Variants in IRAK4 observed in about 807,000 individuals in gnomAD.
The protein encoded by IRAK4 is interleukin-1 receptor-associated kinase 4.
IRAK4 carries 44 observed loss-of-function variants against 51.8 expected under a neutral mutation model. The ratio of observed to expected loss-of-function variants is 0.85; its 90% CI spans 0.67 to 1.09. The LOEUF is 1.09. Among genes scored for constraint, IRAK4 ranks in the 50% least tolerant of loss-of-function variants. The pLI, the probability that IRAK4 is intolerant of heterozygous loss-of-function variation, is 0.00. For synonymous variants in IRAK4, 149 were observed against 174.1 expected (o/e 0.86, Z 1.13); for missense variants, 487 against 538.0 (o/e 0.91, Z 0.94).
At chr12:43,781,072 T>C (rs1941738744) in intron 8 of IRAK4, among the ~76,000 whole-genome samples, 1 of 152,202 alleles carries the variant, frequency 6.6e-6, no homozygotes, top group South Asian at 2.1e-4. Flanking sequence ...CAACCTAAAG[T>C]CTTCCCACAT....
rs202134282 is a variant in IRAK4 at position 43,771,264 on chromosome 12, A to C, written c.206A>C (p.Glu69Ala). 165 of 1,613,854 alleles carry C rather than the reference A, an allele frequency of 1.0e-4. No homozygotes were observed. The highest frequency in any genetic ancestry group is 1.3e-4 in the Non-Finnish European group (157 of 1,179,898). The change falls in exon 3 of 12, where the codon GAA becomes GCA. Residue 69 changes from glutamate to alanine, a missense_variant. By Grantham distance (107) the Glu-to-Ala change is moderately radical. Transcript: ENST00000613694. ...LLQTGKSPTS[E>A]LLFDWGTTNC... Reference sequence around the variant, plus strand: ...CAAACTGGAAAAAGTCCCACTTCTGAATTACTGTTTGACTGGGGCACCACA... The same window carrying C: ...CAAACTGGAAAAAGTCCCACTTCTGCATTACTGTTTGACTGGGGCACCACA...
intron 1 of IRAK4, among the ~76,000 whole-genome samples, chr12:43,764,772 T>TTTC (rs200515347): frequency 0.019 from 2,830 of 152,330 alleles, 57 homozygotes; most frequent in South Asian, 0.071. Context: ...CTTTCCCAGG[T>TTTC]GTTTTTCTGC....
At chr12:43,778,338 T>C in intron 8 of IRAK4, 36 bp downstream of exon 8, 1 of 1,136,222 alleles carries the variant, frequency 8.8e-7, no homozygotes, top group Non-Finnish European at 1.3e-6. Flanking sequence ...TGGAAAGCTG[T>C]CTTTAAAGAA....
intron 8 of IRAK4, among the ~76,000 whole-genome samples, chr12:43,780,122 G>A (rs1474255004): frequency 6.6e-6 from 1 of 152,182 alleles, no homozygotes; most frequent in East Asian, 1.9e-4. Flanking sequence ...GTCAAAAAGA[G>A]TCAAGGGCTT....
At chr12:43,782,599 T>C (rs1941875526) in intron 9 of IRAK4, 109 bp downstream of exon 9, 1 of 952,374 alleles carries the variant, frequency 1.1e-6, no homozygotes, top group Admixed American at 2.3e-5. Flanking sequence ...TATGTAACAA[T>C]ATAAGTTTTT....
At chr12:43,772,794 C>G in intron 4 of IRAK4, 118 bp from the exon 5 acceptor site, 2 of 769,604 alleles carry the variant, frequency 2.6e-6, no homozygotes, top group Non-Finnish European at 4.1e-6. Flanking sequence ...CTTCTCTCAT[C>G]TTGTCTAATT....
rs756185480 is a variant in IRAK4, at chr12:43,772,206, C to T, written c.334C>T (p.Leu112=). 1.2e-6 allele frequency: 2 copies of T among 1,613,564 alleles called. No homozygotes were observed. The highest frequency in any genetic ancestry group is 1.7e-5 in the Admixed American group (1 of 60,028). ...PDAVPKTANT[L]PSKEAITVQQ... ...TGCTGTTCCCAAAACTGCTAATACA[C>T]TACCTTCTAAAGAAGCTATAACAGT... The change falls in exon 4 of 12, where the codon CTA becomes TTA. Residue 112 remains leucine, a synonymous_variant. Transcript: ENST00000613694.
chr12:43,759,949 T>C (rs1051048931), intron 1 of IRAK4, among the ~76,000 whole-genome samples: 1 of 151,142 alleles, frequency 6.6e-6, no homozygotes, highest in Non-Finnish European at 1.5e-5. Flanking sequence ...CAAACGGCGC[T>C]ATTAGTGCTT....
intron 8 of IRAK4, 72 bp downstream of exon 8, chr12:43,778,374 T>A (rs936743272): frequency 2.4e-6 from 2 of 842,668 alleles, no homozygotes; most frequent in Non-Finnish European, 4.1e-6. Context: ...CTATTCACGA[T>A]TCATATGCAG....
At chr12:43,769,513 G>A (rs185737816) in intron 2 of IRAK4, among the ~76,000 whole-genome samples, 96 of 152,230 alleles carry the variant, frequency 6.3e-4, no homozygotes, top group Non-Finnish European at 8.5e-4. Context: ...TTAGCTGGGT[G>A]TGGTAGTGCA....
At chr12:43,766,987 G>A (rs1325066273) in intron 1 of IRAK4, among the ~76,000 whole-genome samples, 3 of 152,172 alleles carry the variant, frequency 2.0e-5, no homozygotes, top group Non-Finnish European at 4.4e-5. Context: ...GGTCAAAGAA[G>A]TCCAAAGAGA....
rs757615268 is a variant in IRAK4, at chr12:43,771,355, T to G, written c.297T>G (p.Leu99=). The G allele has an allele frequency of 6.2e-7, 1 of 1,614,156 alleles. No individual in the cohort carries two copies. Among genetic ancestry groups the G allele is most frequent in the East Asian group, 2.2e-5 (1 of 44,876 alleles). ...IQNEFFAPAS[L]LLPDAVPKTA... is the part of the protein sequence containing the mutation. ...ATGAATTTTTTGCTCCTGCGAGTCT[T>G]TTGCTCCCAGGTAAACTGATTGTGA... Residue 99 remains leucine (L), a synonymous_variant, in exon 3 of 12, where the codon CTT becomes CTG. Transcript: ENST00000613694.
chr12:43,770,734 T>A (rs754434717), intron 2 of IRAK4, among the ~76,000 whole-genome samples: 5 of 152,158 alleles, frequency 3.3e-5, no homozygotes, highest in African/African-American at 1.2e-4. Flanking sequence ...CCTATTTTCA[T>A]ATGACCTCAG....
rs1443126481 is a variant in IRAK4, at chr12:43,768,199, G to C, written c.88G>C (p.Glu30Gln). The change falls in exon 2 of 12, where the codon GAA becomes CAA. Residue 30 changes from glutamate to glutamine, a missense_variant. By Grantham distance (29) the Glu-to-Gln change is conservative. Coordinates refer to ENST00000613694, the MANE Select transcript of IRAK4 (RefSeq NM_016123.4). ...GCTGTCAGATTTTATTGATCCTCAA[G>C]AAGGATGGAAGAAGTTAGCTGTAGC... is the stretch of plus-strand genomic sequence containing the variant. Reference protein sequence around the residue: ...RKLSDFIDPQEGWKKLAVAIK... With the variant: ...RKLSDFIDPQQGWKKLAVAIK... 8 of 1,613,118 alleles carry C rather than the reference G, an allele frequency of 5.0e-6. No individual in the cohort carries two copies. Among genetic ancestry groups the C allele is most frequent in the Non-Finnish European group, 5.9e-6 (7 of 1,179,340 alleles).
chr12:43,762,039 GTT>G (rs3838815), intron 1 of IRAK4, among the ~76,000 whole-genome samples: 1 of 151,264 alleles, frequency 6.6e-6, no homozygotes, highest in African/African-American at 2.4e-5. Flanking sequence ...CACTTTTTAA[GTT>G]TTTTTTTGCC....
At position 43,789,531 on chromosome 12, in the gene IRAK4, T is replaced by TA. The variant is rs1482073815; in HGVS notation, c.*2817dup. On this transcript the variant is annotated 3_prime_UTR_variant, in exon 12 of 12. Coordinates refer to ENST00000613694, the MANE Select transcript of IRAK4 (RefSeq NM_016123.4). ...TTATAGATTGTTTTTATTAAACACT[T>TA]ATGAATACTGTTTGAAGTGCTTTAA... is the stretch of plus-strand genomic sequence containing the variant. The TA allele has an allele frequency of 6.6e-6, 1 of 152,238 alleles. No homozygotes were observed. The highest frequency in any genetic ancestry group is 2.4e-5 in the African/African-American group (1 of 41,460). 9.4% of individuals were successfully genotyped at this position (152,238 alleles called of 1,614,324 possible). A position where few individuals can be genotyped will look rare whatever the true frequency, so the allele number is the denominator to read the frequency against.
chr12:43,786,386 A>G lies in IRAK4; in HGVS notation c.1189-13A>G, dbSNP rs1942212879. ...GATTTGAAGCTCTTAAAGTTTTAAC[A>G]CTCATTTTAAAGCTAGATATTAAAG... On this transcript the variant is annotated splice_polypyrimidine_tract_variant and intron_variant, in intron 10 of 11. Coordinates refer to ENST00000613694, the MANE Select transcript of IRAK4 (RefSeq NM_016123.4). The G allele has an allele frequency of 1.3e-6, 2 of 1,525,542 alleles. No homozygotes were observed. The highest frequency in any genetic ancestry group is 1.8e-6 in the Non-Finnish European group (2 of 1,116,056). 94.5% of individuals were successfully genotyped at this position (1,525,542 alleles called of 1,614,324 possible).
chr12:43,777,788 G>T, intron 7 of IRAK4, 44 bp downstream of exon 7: 1 of 1,409,308 alleles, frequency 7.1e-7, no homozygotes, highest in Non-Finnish European at 1.0e-6. Flanking sequence ...TTGTTTATAT[G>T]CTGGAATATT....
chr12:43,781,796 A>G, intron 8 of IRAK4, among the ~76,000 whole-genome samples: 1 of 152,246 alleles, frequency 6.6e-6, no homozygotes, highest in East Asian at 1.9e-4. Flanking sequence ...ATAATGAATT[A>G]ATTGAGATAT....
Sources: gnomAD v4.1 joint callset for allele counts (sites outside exome capture counted in the v4.1 genomes callset) on GRCh38, gnomAD v4.1.1 for gene constraint, MANE v1.5 for transcripts, NCBI Gene and HGNC (gene_info 2026-07-23, HGNC 2026-07-21) for gene names.